IFT80: variants seen among roughly 807,000 people sequenced by gnomAD.
IFT80 encodes intraflagellar transport 80, also known as intraflagellar transport protein 80 homolog.
A neutral mutation model predicts 107.9 loss-of-function variants in IFT80; 79 were observed. The observed-to-expected ratio is 0.73, with a 90% confidence interval of 0.61 to 0.88. IFT80 has a LOEUF of 0.88. IFT80 is among the 40% of genes least tolerant of loss of function. IFT80 has a pLI of 0.00. For synonymous variants in IFT80, 299 were observed against 300.9 expected, an observed-to-expected ratio of 0.99 and a Z score of 0.07; for missense variants, 797 against 914.2, an observed-to-expected ratio of 0.87 and a Z score of 1.65.
intron 1 of IFT80, among the ~76,000 whole-genome samples, chr3:160,398,404 A>G (rs961248331): frequency 6.6e-6 from 1 of 152,250 alleles, no homozygotes; most frequent in African/African-American, 2.4e-5. Context: ...AGTTAAAGAA[A>G]AAAAAAGGAG....
intron 6 of IFT80, among the ~76,000 whole-genome samples, chr3:160,357,900 A>C (rs7645417): frequency 6.6e-6 from 1 of 152,238 alleles, no homozygotes; most frequent in Non-Finnish European, 1.5e-5. Context: ...CTGAATGAAT[A>C]TGTTATGTAT....
intron 8 of IFT80, among the ~76,000 whole-genome samples, chr3:160,354,535 C>G (rs1720932322): frequency 6.6e-6 from 1 of 152,084 alleles, no homozygotes; most frequent in South Asian, 2.1e-4. Flanking sequence ...TGCCTGTAGT[C>G]CCAGCTGCTA....
intron 11 of IFT80, among the ~76,000 whole-genome samples, chr3:160,302,786 C>T (rs1716542673): frequency 6.6e-6 from 1 of 151,996 alleles, no homozygotes; most frequent in African/African-American, 2.4e-5. Flanking sequence ...ATAATTGATA[C>T]ATTTCAATTT....
intron 9 of IFT80, among the ~76,000 whole-genome samples, chr3:160,318,786 AAAC>A (rs1399441200): frequency 6.6e-6 from 1 of 152,066 alleles, no homozygotes; most frequent in Non-Finnish European, 1.5e-5. Flanking sequence ...GAATTTGATA[AAAC>A]AAGAGCAGCA....
chr3:160,375,987 CT>C, intron 4 of IFT80, 107 bp from the exon 5 acceptor site: 1 of 707,010 alleles, frequency 1.4e-6, no homozygotes, highest in Non-Finnish European at 2.5e-6. Context: ...ATTCTTTTTT[CT>C]TCTAGGCTTC....
At chr3:160,378,815 G>A (rs915914561) in intron 3 of IFT80, among the ~76,000 whole-genome samples, 2 of 151,946 alleles carry the variant, frequency 1.3e-5, no homozygotes, top group Non-Finnish European at 2.9e-5. Context: ...ATGGGCATGG[G>A]ACAGGAAGCT....
intron 9 of IFT80, 23 bp downstream of exon 9, chr3:160,319,737 T>C: frequency 1.2e-6 from 2 of 1,601,218 alleles, no homozygotes; most frequent in South Asian, 1.1e-5. Flanking sequence ...GCAGGTTTAA[T>C]CAACCTTGGA....
At chr3:160,335,395 T>C (rs1386749743) in intron 8 of IFT80, among the ~76,000 whole-genome samples, 1 of 152,070 alleles carries the variant, frequency 6.6e-6, no homozygotes, top group Non-Finnish European at 1.5e-5. Context: ...CTAATTTTTG[T>C]ATTTTTAGTA....
chr3:160,259,750 C>T lies in IFT80; in HGVS notation c.2224-1115G>A, dbSNP rs534682368. Among the ~76,000 whole-genome samples, 8 of 152,278 alleles carry T rather than the reference C, an allele frequency of 5.3e-5. No homozygotes were observed. The East Asian group carries it at 1.5e-3, about 29-fold the overall frequency. On this transcript the variant is annotated intron_variant, in intron 19 of 19. Transcript: ENST00000326448. The stretch of plus-strand genomic sequence containing the variant: ...TCTATGAGCAACTTCTTTAGGAAAG[C>T]ACATTCTACCAGTTAACAAAGTTTG...
chr3:160,295,787 G>A (rs1198231534), intron 12 of IFT80, among the ~76,000 whole-genome samples: 1 of 152,176 alleles, frequency 6.6e-6, no homozygotes. Context: ...AAAATGTGGT[G>A]TATATGTACA....
At chr3:160,291,477 T>C (rs1000038332) in intron 12 of IFT80, among the ~76,000 whole-genome samples, 14 of 152,358 alleles carry the variant, frequency 9.2e-5, no homozygotes, top group Admixed American at 8.5e-4. Context: ...CCAGATTCTG[T>C]TGACACTCGG....
intron 2 of IFT80, 137 bp downstream of exon 2, chr3:160,384,427 T>C: frequency 7.3e-7 from 1 of 1,365,738 alleles, no homozygotes; most frequent in Non-Finnish European, 9.5e-7. Flanking sequence ...TTAAATACTT[T>C]AAAACAATTT....
chr3:160,380,036 CT>C (rs11325261), intron 3 of IFT80, among the ~76,000 whole-genome samples: 66,581 of 133,884 alleles, frequency 0.5, 15,807 homozygotes, highest in African/African-American at 0.53. Flanking sequence ...GTCTTTTTTT[CT>C]TTTTTTTTTT....
chr3:160,380,663 C>T (rs967763243), intron 3 of IFT80, among the ~76,000 whole-genome samples: 2 of 151,756 alleles, frequency 1.3e-5, no homozygotes, highest in Admixed American at 6.6e-5. Context: ...AAACAGTTCA[C>T]GTATTTCTAA....
At position 160,284,062 on chromosome 3, in the gene IFT80, G is replaced by A. The variant is rs1714905385; in HGVS notation, c.1381-1449C>T. ...TCCACATATAAAATAAAATAGATTG[G>A]GTGATTTTTCTATTATTTTATAGAA... On this transcript the variant is annotated intron_variant, in intron 13 of 19. Coordinates refer to ENST00000326448, the MANE Select transcript of IFT80 (RefSeq NM_020800.3). Among the ~76,000 whole-genome samples, 4 of 151,814 alleles carry A rather than the reference G, an allele frequency of 2.6e-5. No homozygotes were observed. The South Asian group carries it at 8.3e-4, about 32-fold the overall frequency.
At chr3:160,341,405 T>C (rs1719887764) in intron 8 of IFT80, among the ~76,000 whole-genome samples, 1 of 151,470 alleles carries the variant, frequency 6.6e-6, no homozygotes, top group South Asian at 2.1e-4. Context: ...CAAGTGGTGG[T>C]AGGAACTTGG....
chr3:160,390,342 G>A (rs532605901), intron 1 of IFT80, among the ~76,000 whole-genome samples: 7 of 151,752 alleles, frequency 4.6e-5, no homozygotes, highest in East Asian at 3.9e-4. Context: ...GCTTGAACCC[G>A]GGAGGCAGAG....
intron 18 of IFT80, chr3:160,274,600 AT>A (rs1714090505): frequency 6.6e-6 from 1 of 152,218 alleles, no homozygotes; most frequent in Admixed American, 6.5e-5. Context: ...AGACGATTTA[AT>A]ATCTGCAAAT....
chr3:160,380,843 T>C (rs1370803368), intron 3 of IFT80, among the ~76,000 whole-genome samples: 1 of 152,116 alleles, frequency 6.6e-6, no homozygotes, highest in Admixed American at 6.6e-5. Context: ...ACTAAATGAA[T>C]AGGTATATCT....
Sources: allele counts gnomAD v4.1 joint callset (sites outside exome capture counted in the v4.1 genomes callset), GRCh38; gene constraint gnomAD v4.1.1; transcripts MANE v1.5; gene names NCBI Gene and HGNC (gene_info 2026-07-23, HGNC 2026-07-21).